Variants in NCALD observed in about 807,000 individuals in gnomAD.
The protein encoded by NCALD is neurocalcin delta, also known as neurocalcin-delta.
NCALD carries 10 observed loss-of-function variants against 18.6 expected under a neutral mutation model. That is an observed-to-expected ratio of 0.54 (90% confidence interval 0.33 to 0.91). NCALD has a LOEUF of 0.91. NCALD is among the 40% of genes least tolerant of loss of function. The pLI, the probability that NCALD is intolerant of heterozygous loss-of-function variation, is 0.03. For missense variants in NCALD, 184 were observed against 247.6 expected (o/e 0.74, Z 1.72); for synonymous variants, 88 against 87.4 (o/e 1.01, Z -0.04).
At chr8:101,823,241 C>T (rs1390629237) in intron 4 of NCALD, among the ~76,000 whole-genome samples, 1 of 152,104 alleles carries the variant, frequency 6.6e-6, no homozygotes, top group Non-Finnish European at 1.5e-5. Context: ...TGTTTTCCTC[C>T]CGCTATTAGC....
intron 3 of NCALD, chr8:101,691,986 G>T: frequency 1.0e-6 from 1 of 985,390 alleles, no homozygotes; most frequent in Non-Finnish European, 1.2e-6. Context: ...AGGGTTGCCA[G>T]ATCTGGCAAA....
At chr8:101,755,678 A>C (rs1019632541) in intron 1 of NCALD, among the ~76,000 whole-genome samples, 2 of 152,256 alleles carry the variant, frequency 1.3e-5, no homozygotes, top group African/African-American at 4.8e-5. Context: ...AGGGAAATAC[A>C]TTGTAACATT....
At chr8:102,073,042 A>G (rs1353138087) in intron 1 of NCALD, among the ~76,000 whole-genome samples, 2 of 152,244 alleles carry the variant, frequency 1.3e-5, no homozygotes, top group Admixed American at 1.3e-4. Flanking sequence ...GTATGTAGAA[A>G]GATATTTTCC....
intron 2 of NCALD, among the ~76,000 whole-genome samples, chr8:102,019,026 A>C (rs990710793): frequency 3.9e-5 from 6 of 152,176 alleles, no homozygotes; most frequent in Non-Finnish European, 8.8e-5. Flanking sequence ...TCTAAAATAT[A>C]TATTATTAAA....
chr8:102,094,633 GA>G (rs1296129648), intron 1 of NCALD, among the ~76,000 whole-genome samples: 3 of 152,216 alleles, frequency 2.0e-5, no homozygotes, highest in African/African-American at 7.2e-5. Context: ...CTTATGGGCT[GA>G]ATTTTATCTT....
intron 1 of NCALD, among the ~76,000 whole-genome samples, chr8:102,100,917 T>C (rs1294613591): frequency 2.0e-5 from 3 of 152,190 alleles, no homozygotes; most frequent in African/African-American, 2.4e-5. Flanking sequence ...GAGTTGTTGT[T>C]TGATGGTAAG....
At chr8:101,721,887 G>T (rs1006559345) in intron 1 of NCALD, among the ~76,000 whole-genome samples, 9 of 150,156 alleles carry the variant, frequency 6.0e-5, no homozygotes, top group Admixed American at 5.3e-4. Flanking sequence ...TGTCACTCAG[G>T]CTGCAATGTG....
chr8:102,006,369 A>G (rs998755100), intron 2 of NCALD, among the ~76,000 whole-genome samples: 5 of 152,126 alleles, frequency 3.3e-5, no homozygotes, highest in Admixed American at 3.3e-4. Context: ...AAATTAATAA[A>G]CAGAGCACAA....
At chr8:102,083,077 G>A (rs1217891322) in intron 1 of NCALD, among the ~76,000 whole-genome samples, 1 of 152,182 alleles carries the variant, frequency 6.6e-6, no homozygotes, top group East Asian at 1.9e-4. Context: ...CAGTAGATAA[G>A]GAATGAGAAA....
chr8:101,755,081 C>T (rs1258926428), intron 1 of NCALD, among the ~76,000 whole-genome samples: 1 of 152,188 alleles, frequency 6.6e-6, no homozygotes, highest in Non-Finnish European at 1.5e-5. Context: ...CTGATAATTT[C>T]TTTGTGTGTG....
At chr8:101,884,933 C>A (rs1460633543) in intron 4 of NCALD, among the ~76,000 whole-genome samples, 1 of 152,146 alleles carries the variant, frequency 6.6e-6, no homozygotes, top group Non-Finnish European at 1.5e-5. Flanking sequence ...GAAAGGTATT[C>A]TGTTGACAAA....
At chr8:101,936,170 A>G (rs557341896) in intron 2 of NCALD, among the ~76,000 whole-genome samples, 2 of 152,272 alleles carry the variant, frequency 1.3e-5, no homozygotes, top group Admixed American at 6.5e-5. Flanking sequence ...TATCTATAAG[A>G]ATGAGAGTAA....
At chr8:101,949,936 A>C (rs756973656) in intron 2 of NCALD, among the ~76,000 whole-genome samples, 5 of 152,224 alleles carry the variant, frequency 3.3e-5, no homozygotes, top group Admixed American at 6.5e-5. Flanking sequence ...GTCACCATCC[A>C]TCAGGCACTT....
chr8:102,106,963 C>T (rs1214639748), intron 1 of NCALD, among the ~76,000 whole-genome samples: 2 of 151,756 alleles, frequency 1.3e-5, no homozygotes, highest in Non-Finnish European at 2.9e-5. Context: ...TCACCTGAGG[C>T]TGGAGGGTTT....
chr8:102,007,847 T>A (rs751682060), intron 2 of NCALD, among the ~76,000 whole-genome samples: 1 of 152,180 alleles, frequency 6.6e-6, no homozygotes, highest in Non-Finnish European at 1.5e-5. Flanking sequence ...TGACAGTGAC[T>A]TTACTCATCA....
At chr8:101,974,132 C>T (rs944980818) in intron 2 of NCALD, among the ~76,000 whole-genome samples, 4 of 152,094 alleles carry the variant, frequency 2.6e-5, no homozygotes, top group African/African-American at 9.7e-5. Flanking sequence ...CCCCCAAAGC[C>T]AGTCCAAATT....
intron 1 of NCALD, among the ~76,000 whole-genome samples, chr8:101,739,028 C>T (rs1373328303): frequency 6.6e-6 from 1 of 152,132 alleles, no homozygotes; most frequent in African/African-American, 2.4e-5. Context: ...GTTCTCTGTG[C>T]CTCAAATGCC....
At chr8:102,046,686 G>A (rs948544080) in intron 1 of NCALD, among the ~76,000 whole-genome samples, 1 of 151,722 alleles carries the variant, frequency 6.6e-6, no homozygotes, top group African/African-American at 2.4e-5. Flanking sequence ...TGTATTTTTT[G>A]TAGAGATGCG....
chr8:101,698,168 G>T (rs577942051), intron 2 of NCALD, among the ~76,000 whole-genome samples: 1 of 152,204 alleles, frequency 6.6e-6, no homozygotes, highest in Admixed American at 6.5e-5. Flanking sequence ...AAATAAAAAT[G>T]AACTCCCATT....
Sources: gnomAD v4.1 joint callset for allele counts (sites outside exome capture counted in the v4.1 genomes callset) on GRCh38, gnomAD v4.1.1 for gene constraint, MANE v1.5 for transcripts, NCBI Gene and HGNC (gene_info 2026-07-23, HGNC 2026-07-21) for gene names.